Variants in PIK3C2G observed in about 807,000 individuals in gnomAD.
The protein encoded by PIK3C2G is phosphatidylinositol 3-kinase C2 domain-containing subunit gamma.
In PIK3C2G, 168 loss-of-function variants were observed where a neutral mutation model predicts 181.1. That is an observed-to-expected ratio of 0.93 (90% CI 0.82 to 1.05). PIK3C2G has a LOEUF of 1.05. PIK3C2G is among the 50% of genes least tolerant of loss of function. The pLI, the probability that PIK3C2G is intolerant of heterozygous loss-of-function variation, is 0.00. For missense variants in PIK3C2G, 1,869 were observed against 1,732.8 expected (o/e 1.08, Z -1.40); for synonymous variants, 573 against 592.2 (o/e 0.97, Z 0.47).
intron 14 of PIK3C2G, among the ~76,000 whole-genome samples, chr12:18,383,747 G>C (rs145990245): frequency 6.6e-6 from 1 of 151,746 alleles, no homozygotes; most frequent in Non-Finnish European, 1.5e-5. Flanking sequence ...CAATGTTGTA[G>C]AAAATGCCTT....
chr12:18,718,874 G>A, the PIK3C2G span, among the ~76,000 whole-genome samples: 1 of 152,034 alleles, frequency 6.6e-6, no homozygotes, highest in Non-Finnish European at 1.5e-5. Context: ...CTGAAGTCTG[G>A]TATTAACAGT....
chr12:18,567,117 C>A, intron 29 of PIK3C2G, 60 bp downstream of exon 29: 1 of 833,876 alleles, frequency 1.2e-6, no homozygotes, highest in Non-Finnish European at 2.0e-6. Flanking sequence ...ATATTTTATT[C>A]GTGAGTGTGG....
chr12:18,637,625 C>T (rs1949664863), intron 31 of PIK3C2G, among the ~76,000 whole-genome samples: 2 of 152,154 alleles, frequency 1.3e-5, no homozygotes, highest in African/African-American at 2.4e-5. Flanking sequence ...TAATTACCCC[C>T]GTTGCATTTA....
the PIK3C2G span, among the ~76,000 whole-genome samples, chr12:18,714,168 T>C: frequency 1.3e-5 from 2 of 152,370 alleles, no homozygotes; most frequent in South Asian, 2.1e-4. Context: ...TGTATAGATA[T>C]TGTTTTCTTG....
At chr12:18,248,301 G>A (rs1331157422) in intron 1 of PIK3C2G, among the ~76,000 whole-genome samples, 4 of 152,034 alleles carry the variant, frequency 2.6e-5, no homozygotes, top group African/African-American at 4.8e-5. Flanking sequence ...GGGCGGGCGC[G>A]GTGGCTCACG....
chr12:18,538,170 T>C lies in PIK3C2G; in HGVS notation c.3338T>C (p.Phe1113Ser). The C allele has an allele frequency of 1.2e-6, 2 of 1,611,574 alleles. No homozygotes were observed. Among genetic ancestry groups the C allele is most frequent in the South Asian group, 1.1e-5 (1 of 90,632 alleles). The part of the protein sequence containing the change: ...FGGIKRDRAP[F>S]IFTSEMEYFI... Reference sequence around the variant, plus strand: ...TTGGTTTACAGGGACCGAGCTCCTTTCATTTTTACTTCAGAGATGGAATAC... The same window carrying C: ...TTGGTTTACAGGGACCGAGCTCCTTCCATTTTTACTTCAGAGATGGAATAC... Residue 1113 changes from phenylalanine (F) to serine (S), a missense_variant, in exon 25 of 33, where the codon TTC becomes TCC. Physicochemically the swap from Phe to Ser is radical, Grantham distance 155. Coordinates refer to ENST00000538779, the MANE Select transcript of PIK3C2G (RefSeq NM_001288772.2).
chr12:18,663,806 G>A, the PIK3C2G span, among the ~76,000 whole-genome samples: 2 of 152,060 alleles, frequency 1.3e-5, no homozygotes, highest in African/African-American at 4.8e-5. Context: ...CAGAGAAAAA[G>A]GCAATATACA....
chr12:18,478,603 G>T (rs1467015409), intron 18 of PIK3C2G, among the ~76,000 whole-genome samples: 1 of 152,180 alleles, frequency 6.6e-6, no homozygotes, highest in Non-Finnish European at 1.5e-5. Context: ...TGCATCATCA[G>T]AATAGATCCC....
At chr12:18,368,779 G>T (rs1941819633) in intron 12 of PIK3C2G, among the ~76,000 whole-genome samples, 1 of 152,104 alleles carries the variant, frequency 6.6e-6, no homozygotes, top group Non-Finnish European at 1.5e-5. Context: ...GACACCATGA[G>T]TAGGAGAGAC....
intron 10 of PIK3C2G, among the ~76,000 whole-genome samples, chr12:18,346,299 A>T (rs548630376): frequency 3.9e-5 from 6 of 152,320 alleles, no homozygotes; most frequent in Admixed American, 2.6e-4. Flanking sequence ...CCTTGTCTGA[A>T]AATTAATTTT....
In PIK3C2G at chr12:18,387,734, CTGAG is replaced by C. The variant is rs528482259; in HGVS notation, c.1996-3384_1996-3381del. 6.4e-4 allele frequency among the ~76,000 whole-genome samples: 98 copies of C among 152,324 alleles called. 3 individuals carry two copies. In the South Asian group the frequency reaches 0.019, roughly 30 times the overall value. ...ATCACTTCGTATTCCTTCCCACTGA[CTGAG>C]TGATCTCTGATGGCATTGAAGGTAT... On this transcript the variant is annotated intron_variant, in intron 14 of 32. Coordinates refer to ENST00000538779, the MANE Select transcript of PIK3C2G (RefSeq NM_001288772.2).
chr12:18,327,654 G>C (rs1041027697), intron 8 of PIK3C2G, among the ~76,000 whole-genome samples: 1 of 151,860 alleles, frequency 6.6e-6, no homozygotes, highest in African/African-American at 2.4e-5. Flanking sequence ...CTGAACTATA[G>C]AGAATATTTT....
intron 18 of PIK3C2G, among the ~76,000 whole-genome samples, chr12:18,462,527 T>C (rs2135942033): frequency 6.6e-6 from 1 of 152,256 alleles, no homozygotes; most frequent in Non-Finnish European, 1.5e-5. Flanking sequence ...CTATCTTAGT[T>C]CAGGCCCTTT....
At chr12:18,599,368 AATC>A (rs1226481012) in intron 30 of PIK3C2G, among the ~76,000 whole-genome samples, 1 of 152,130 alleles carries the variant, frequency 6.6e-6, no homozygotes, top group Non-Finnish European at 1.5e-5. Context: ...TGAAATTGGA[AATC>A]ATCATTCTCA....
chr12:18,462,086 C>G (rs1947949970), intron 18 of PIK3C2G, among the ~76,000 whole-genome samples: 1 of 152,180 alleles, frequency 6.6e-6, no homozygotes, highest in African/African-American at 2.4e-5. Flanking sequence ...TTAGTCACAT[C>G]TACAAGTCTC....
chr12:18,635,919 C>T (rs1042253060), intron 31 of PIK3C2G, among the ~76,000 whole-genome samples: 7 of 152,270 alleles, frequency 4.6e-5, no homozygotes, highest in East Asian at 3.9e-4. Flanking sequence ...GCTGCAACAA[C>T]GTACCCTTTA....
chr12:18,247,784 A>G (rs1200878263), exon 1 of PIK3C2G: 2 of 152,164 alleles, frequency 1.3e-5, no homozygotes, highest in Non-Finnish European at 2.9e-5. Flanking sequence ...TTCCTGCCAC[A>G]TTCACACGTG....
At chr12:18,659,718 C>A in the PIK3C2G span, among the ~76,000 whole-genome samples, 12 of 144,156 alleles carry the variant, frequency 8.3e-5, no homozygotes, top group African/African-American at 2.5e-4. Flanking sequence ...CACATGTGCA[C>A]AACGTGCAGG....
intron 14 of PIK3C2G, among the ~76,000 whole-genome samples, chr12:18,389,935 T>A (rs1028116874): frequency 3.9e-5 from 6 of 152,186 alleles, no homozygotes; most frequent in Non-Finnish European, 8.8e-5. Context: ...TTAAGAGCTA[T>A]TTAAAAATAT....
Sources: allele counts gnomAD v4.1 joint callset (sites outside exome capture counted in the v4.1 genomes callset), GRCh38; gene constraint gnomAD v4.1.1; transcripts MANE v1.5; gene names NCBI Gene and HGNC (gene_info 2026-07-23, HGNC 2026-07-21).